Variants in EYS observed in about 807,000 individuals in gnomAD.
The protein encoded by EYS is protein eyes shut homolog.
In EYS, 250 loss-of-function variants were observed where a neutral mutation model predicts 282.1. The ratio of observed to expected loss-of-function variants is 0.89; its 90% CI spans 0.80 to 0.98. The LOEUF (loss-of-function observed/expected upper bound fraction) is 0.98, where lower values mean the gene tolerates loss of function less well. EYS is among the 50% of genes least tolerant of loss of function. The pLI is 0.00. For missense variants in EYS, 4,016 were observed against 3,709.0 expected, an observed-to-expected ratio of 1.08 and a Z score of -2.15; for synonymous variants, 1,355 against 1,282.9, an observed-to-expected ratio of 1.06 and a Z score of -1.20.
At chr6:65,280,695 TATG>T in intron 12 of EYS, among the ~76,000 whole-genome samples, 1 of 151,976 alleles carries the variant, frequency 6.6e-6, no homozygotes, top group Middle Eastern at 3.4e-3. Context: ...AGTGCTATTT[TATG>T]ATATTAATTC....
chr6:64,085,340 G>GCACACACACACACACACACACACACACA (rs71551560), intron 31 of EYS, among the ~76,000 whole-genome samples: 20 of 139,876 alleles, frequency 1.4e-4, no homozygotes, highest in African/African-American at 5.0e-4. Flanking sequence ...ACGTGCGCGC[G>GCACACACACACACACACACACACACACA]CACACACACA....
intron 2 of EYS, among the ~76,000 whole-genome samples, chr6:65,585,632 C>A (rs768936632): frequency 6.6e-6 from 1 of 151,866 alleles, no homozygotes; most frequent in Non-Finnish European, 1.5e-5. Flanking sequence ...TTATAACATT[C>A]TTTGTCATAA....
intron 21 of EYS, among the ~76,000 whole-genome samples, chr6:64,816,135 A>C (rs1476950017): frequency 6.6e-6 from 1 of 152,050 alleles, no homozygotes; most frequent in Non-Finnish European, 1.5e-5. Context: ...TCTTGGAGAA[A>C]GGGAAACAGA....
At chr6:65,253,009 G>A (rs1767366950) in intron 12 of EYS, among the ~76,000 whole-genome samples, 1 of 151,930 alleles carries the variant, frequency 6.6e-6, no homozygotes, top group Non-Finnish European at 1.5e-5. Context: ...GAAAAGAGAT[G>A]AAAGAATGCA....
intron 12 of EYS, among the ~76,000 whole-genome samples, chr6:65,058,168 G>A (rs1005165438): frequency 1.3e-5 from 2 of 151,954 alleles, no homozygotes; most frequent in African/African-American, 4.8e-5. Context: ...TGTTTGTTTT[G>A]GAGAGGGAAT....
rs140831948 is a variant in EYS, at chr6:64,622,001, T to TA, written c.3568+4119dup. 5.7e-3 allele frequency among the ~76,000 whole-genome samples: 864 copies of TA among 152,246 alleles called. 5 individuals carry two copies. Among genetic ancestry groups the TA allele is most frequent in the African/African-American group, 0.02 (823 of 41,536 alleles). ...CACACTAAGTGTGTTTCTATTTCTATAAAAAACATCTGAATACCTATATTG... is the reference window on the plus strand; with the variant it reads ...CACACTAAGTGTGTTTCTATTTCTATAAAAAAACATCTGAATACCTATATTG... On this transcript the variant is annotated intron_variant, in intron 23 of 42. Coordinates refer to ENST00000503581, the MANE Select transcript of EYS (RefSeq NM_001142800.2).
intron 31 of EYS, among the ~76,000 whole-genome samples, chr6:64,224,250 G>A (rs932999998): frequency 1.3e-5 from 2 of 151,928 alleles, no homozygotes; most frequent in South Asian, 2.1e-4. Context: ...GGTTAAAAGA[G>A]TTTTCATCCT....
In EYS at chr6:64,969,090, GA is replaced by G. The variant is rs111231430; in HGVS notation, c.2260-23177del. Among the ~76,000 whole-genome samples, 1,140 of 143,372 alleles carry G rather than the reference GA, an allele frequency of 8.0e-3. 11 individuals are homozygous for G. The highest frequency in any genetic ancestry group is 0.033 in the South Asian group (152 of 4,550). 94.1% of individuals were successfully genotyped at this position (143,372 alleles called of 152,430 possible). A position where few individuals can be genotyped will look rare whatever the true frequency, so the allele number is the denominator to read the frequency against. On this transcript the variant is annotated intron_variant, in intron 14 of 42. Transcript: ENST00000503581. ...GTATTTCACAATCAACTCCTTGCGT[GA>G]AAAAAAAAAAAATCTCATTTCCTAA...
chr6:64,852,055 C>T (rs977718547), intron 19 of EYS, among the ~76,000 whole-genome samples: 31 of 152,018 alleles, frequency 2.0e-4, no homozygotes, highest in Admixed American at 2.0e-4. Flanking sequence ...TTTGGGGTAG[C>T]CACAATGTAG....
chr6:65,307,617 A>C (rs1769048081), intron 11 of EYS, among the ~76,000 whole-genome samples: 1 of 138,714 alleles, frequency 7.2e-6, no homozygotes, highest in South Asian at 2.3e-4. Context: ...AGTTTCTCTT[A>C]GCAGTTTTCA....
At chr6:64,675,799 GTACTT>G (rs1769640430) in intron 22 of EYS, among the ~76,000 whole-genome samples, 1 of 151,690 alleles carries the variant, frequency 6.6e-6, no homozygotes, top group Non-Finnish European at 1.5e-5. Flanking sequence ...TATCCTGTAA[GTACTT>G]TACCTGCACT....
At chr6:65,364,017 C>T (rs1764815426) in intron 8 of EYS, among the ~76,000 whole-genome samples, 1 of 150,984 alleles carries the variant, frequency 6.6e-6, no homozygotes, top group African/African-American at 2.4e-5. Flanking sequence ...AATTTTTTCA[C>T]CTGGTATTCC....
chr6:64,578,308 T>C (rs1384391948), intron 26 of EYS, among the ~76,000 whole-genome samples: 1 of 152,058 alleles, frequency 6.6e-6, no homozygotes, highest in Non-Finnish European at 1.5e-5. Context: ...CCTCCACAAG[T>C]CTCTACCTTG....
At chr6:64,185,610 T>A (rs1397163334) in intron 31 of EYS, among the ~76,000 whole-genome samples, 2 of 152,148 alleles carry the variant, frequency 1.3e-5, no homozygotes, top group East Asian at 3.9e-4. Flanking sequence ...TTTATAGAAA[T>A]CTAAAATCAA....
At chr6:65,089,972 T>C (rs145774589) in intron 12 of EYS, among the ~76,000 whole-genome samples, 3 of 104,116 alleles carry the variant, frequency 2.9e-5, no homozygotes, top group Non-Finnish European at 5.6e-5. Flanking sequence ...TATATATATA[T>C]ATAAATAAAT....
At chr6:65,235,416 C>T (rs1234094128) in intron 12 of EYS, among the ~76,000 whole-genome samples, 1 of 145,830 alleles carries the variant, frequency 6.9e-6, no homozygotes, top group Admixed American at 6.8e-5. Context: ...CTGCATAAGA[C>T]ACAATAAGGA....
In EYS at chr6:65,088,362, G is replaced by A. The variant is rs535474316; in HGVS notation, c.2024-30635C>T. ...TCCTAGAAACTTGTTGAATGGTTTT[G>A]ACCAAAATGCTGATAGTGATATGCA... On this transcript the variant is annotated intron_variant, in intron 12 of 42. Coordinates refer to ENST00000503581, the MANE Select transcript of EYS (RefSeq NM_001142800.2). Among the ~76,000 whole-genome samples the A allele has an allele frequency of 4.6e-5, 7 of 152,230 alleles. No individual in the cohort carries two copies. The South Asian group carries it at 8.3e-4, about 18-fold the overall frequency.
chr6:65,023,009 T>A (rs920282190), intron 13 of EYS, among the ~76,000 whole-genome samples: 1 of 152,090 alleles, frequency 6.6e-6, no homozygotes, highest in Non-Finnish European at 1.5e-5. Context: ...AGAAAGTTGA[T>A]CAGTAGGAAG....
chr6:65,248,893 T>C (rs751854470), intron 12 of EYS, among the ~76,000 whole-genome samples: 1 of 151,990 alleles, frequency 6.6e-6, no homozygotes, highest in Non-Finnish European at 1.5e-5. Flanking sequence ...GTACAAGTTA[T>C]CCTGAAGAAG....
Sources: allele counts gnomAD v4.1 joint callset (sites outside exome capture counted in the v4.1 genomes callset), GRCh38; gene constraint gnomAD v4.1.1; transcripts MANE v1.5; gene names NCBI Gene and HGNC (gene_info 2026-07-23, HGNC 2026-07-21).